The following C10orf67 variants were observed in gnomAD, a reference collection of about 807,000 sequenced individuals.
C10orf67 encodes the protein uncharacterized protein C10orf67, mitochondrial.
Under a neutral mutation model 35.6 loss-of-function variants are expected in C10orf67, and 60 were observed. That is an observed-to-expected ratio of 1.68 (90% confidence interval 1.37 to 2.09). The LOEUF (loss-of-function observed/expected upper bound fraction) is 2.09, where lower values mean the gene tolerates loss of function less well. Ranked by LOEUF, C10orf67 falls within the 30% of genes most tolerant of loss-of-function variation. C10orf67 has a pLI of 0.00. For synonymous variants in C10orf67, 167 were observed against 115.8 expected (o/e 1.44, Z -2.84); for missense variants, 474 against 330.2 (o/e 1.44, Z -3.38).
chr10:23,322,763 G>C (rs1845010096), intron 2 of C10orf67, among the ~76,000 whole-genome samples: 1 of 151,956 alleles, frequency 6.6e-6, no homozygotes, highest in Non-Finnish European at 1.5e-5. Context: ...GAAATCATCT[G>C]TACAACAAAC....
At chr10:23,336,958 A>G (rs1317794639) in intron 1 of C10orf67, among the ~76,000 whole-genome samples, 1 of 152,256 alleles carries the variant, frequency 6.6e-6, no homozygotes, top group Non-Finnish European at 1.5e-5. Context: ...TGTTTGCCAT[A>G]AAGTGAAGAA....
intron 13 of C10orf67, among the ~76,000 whole-genome samples, chr10:23,236,697 G>A (rs1325145692): frequency 6.6e-6 from 1 of 151,974 alleles, no homozygotes. Flanking sequence ...GGTCAACATG[G>A]TGAAACCCAT....
intron 2 of C10orf67, among the ~76,000 whole-genome samples, chr10:23,324,437 C>CCTCTCT (rs952920799): frequency 6.6e-6 from 1 of 151,332 alleles, no homozygotes; most frequent in Non-Finnish European, 1.5e-5. Flanking sequence ...ACTGGTTTCA[C>CCTCTCT]CTCTCTCTCT....
chr10:23,252,596 G>A (rs1178137514), intron 10 of C10orf67, among the ~76,000 whole-genome samples: 1 of 152,168 alleles, frequency 6.6e-6, no homozygotes, highest in Non-Finnish European at 1.5e-5. Context: ...TTACAAAAGA[G>A]GTGAAATTTA....
chr10:23,323,521 C>T (rs1304599946), intron 2 of C10orf67, among the ~76,000 whole-genome samples: 2 of 151,876 alleles, frequency 1.3e-5, no homozygotes, highest in Non-Finnish European at 2.9e-5. Context: ...GTAATCTTCC[C>T]CTGCTCTGAA....
chr10:23,246,374 T>C (rs1294777433), intron 12 of C10orf67, among the ~76,000 whole-genome samples: 1 of 152,080 alleles, frequency 6.6e-6, no homozygotes, highest in African/African-American at 2.4e-5. Flanking sequence ...AGGAAAAAAA[T>C]GTTTTTTAAT....
intron 12 of C10orf67, among the ~76,000 whole-genome samples, chr10:23,249,160 A>AT (rs1842386236): frequency 7.2e-6 from 1 of 138,266 alleles, no homozygotes; most frequent in Non-Finnish European, 1.5e-5. Context: ...AAAAAAAAAA[A>AT]GAAAACTGAT....
At chr10:23,271,162 A>C (rs1187046962) in intron 8 of C10orf67, among the ~76,000 whole-genome samples, 5 of 152,248 alleles carry the variant, frequency 3.3e-5, no homozygotes, top group Non-Finnish European at 7.3e-5. Context: ...AACGAAGATC[A>C]AAAAAGACAA....
chr10:23,318,714 T>C (rs1306787874), intron 4 of C10orf67: 1 of 589,538 alleles, frequency 1.7e-6, no homozygotes, highest in African/African-American at 1.9e-5. Context: ...CTGGGATGTT[T>C]TCAGCTGCAA....
chr10:23,213,009 A>G (rs549581872), intron 15 of C10orf67, among the ~76,000 whole-genome samples: 20 of 152,350 alleles, frequency 1.3e-4, no homozygotes, highest in Admixed American at 3.9e-4. Context: ...GATAATTATC[A>G]TAAAAAAGGA....
At chr10:23,281,551 T>C (rs952247348) in intron 8 of C10orf67, among the ~76,000 whole-genome samples, 24 of 152,096 alleles carry the variant, frequency 1.6e-4, no homozygotes, top group African/African-American at 4.8e-4. Flanking sequence ...AGTCAACTGA[T>C]AAAAGACCAG....
intron 7 of C10orf67, among the ~76,000 whole-genome samples, chr10:23,283,526 C>T (rs181050827): frequency 4.1e-4 from 62 of 152,186 alleles, no homozygotes; most frequent in Admixed American, 2.0e-3. Context: ...TCTGATCCTG[C>T]CGCAATGTTC....
intron 15 of C10orf67, among the ~76,000 whole-genome samples, chr10:23,206,021 G>A (rs191826781): frequency 3.3e-5 from 5 of 152,140 alleles, no homozygotes; most frequent in Admixed American, 2.0e-4. Context: ...CACTGATCTC[G>A]CCATCCCCAA....
chr10:23,230,730 C>CA (rs1021938261), intron 13 of C10orf67, among the ~76,000 whole-genome samples: 6 of 132,400 alleles, frequency 4.5e-5, no homozygotes, highest in South Asian at 2.4e-4. Context: ...CAGGAAAAGG[C>CA]AAAAAAAATT....
At chr10:23,223,843 T>C in intron 13 of C10orf67, 25 bp from the exon 14 acceptor site, 1 of 713,202 alleles carries the variant, frequency 1.4e-6, no homozygotes, top group Non-Finnish European at 2.6e-6. Context: ...AGATATGTAC[T>C]GTGTTATCAG....
chr10:23,212,585 C>T (rs541453802), intron 15 of C10orf67, among the ~76,000 whole-genome samples: 1 of 152,136 alleles, frequency 6.6e-6, no homozygotes, highest in East Asian at 1.9e-4. Flanking sequence ...AAGCTATGAG[C>T]CTAGGAAGGT....
At chr10:23,339,097 A>G (rs543430701) in intron 1 of C10orf67, among the ~76,000 whole-genome samples, 2 of 152,282 alleles carry the variant, frequency 1.3e-5, no homozygotes, top group African/African-American at 4.8e-5. Context: ...CAACTTTAGG[A>G]TCTGCTGGTT....
intron 2 of C10orf67, among the ~76,000 whole-genome samples, chr10:23,324,792 G>C (rs1330441463): frequency 1.3e-5 from 2 of 152,178 alleles, no homozygotes; most frequent in Non-Finnish European, 2.9e-5. Flanking sequence ...CAAAAGCTGA[G>C]AGACATTTGT....
intron 1 of C10orf67, among the ~76,000 whole-genome samples, chr10:23,340,050 T>C (rs1433899358): frequency 6.6e-6 from 1 of 152,212 alleles, no homozygotes; most frequent in Non-Finnish European, 1.5e-5. Flanking sequence ...TGAACATGTA[T>C]GTTCTTCTGT....
Sources: allele counts gnomAD v4.1 joint callset (sites outside exome capture counted in the v4.1 genomes callset), GRCh38; gene constraint gnomAD v4.1.1; transcripts MANE v1.5; gene names NCBI Gene and HGNC (gene_info 2026-07-23, HGNC 2026-07-21).